Variants in TMEM242 observed in about 807,000 individuals in gnomAD.
TMEM242 encodes the protein UPF0463 transmembrane protein C6orf35.
A neutral mutation model predicts 18.2 loss-of-function variants in TMEM242; 10 were observed. The ratio of observed to expected loss-of-function variants is 0.55; its 90% CI spans 0.34 to 0.93. The LOEUF is 0.93. Ranked by LOEUF, TMEM242 falls within the 40% of genes least tolerant of loss-of-function variation. The pLI is 0.02. For synonymous variants in TMEM242, 57 were observed against 69.9 expected (o/e 0.81, Z 0.92); for missense variants, 186 against 175.5 (o/e 1.06, Z -0.34).
intron 3 of TMEM242, among the ~76,000 whole-genome samples, chr6:157,310,667 A>G (rs1778005866): frequency 6.6e-6 from 1 of 151,088 alleles, no homozygotes; most frequent in African/African-American, 2.5e-5. Flanking sequence ...GCCTCATCAT[A>G]GTGTCCCAGT....
intron 3 of TMEM242, among the ~76,000 whole-genome samples, chr6:157,309,090 C>T (rs1485231878): frequency 6.6e-6 from 1 of 152,130 alleles, no homozygotes; most frequent in African/African-American, 2.4e-5. Flanking sequence ...GATTGATATA[C>T]TCTGCTGTGC....
At chr6:157,298,504 C>A (rs1456885009) in intron 3 of TMEM242, among the ~76,000 whole-genome samples, 3 of 152,168 alleles carry the variant, frequency 2.0e-5, no homozygotes, top group Non-Finnish European at 2.9e-5. Flanking sequence ...TGTGCATGTA[C>A]ACACATGCCC....
At chr6:157,311,220 A>C (rs1158829831) in intron 3 of TMEM242, among the ~76,000 whole-genome samples, 173 of 107,586 alleles carry the variant, frequency 1.6e-3, no homozygotes, top group African/African-American at 6.2e-3. Flanking sequence ...CTGTGCGCTC[A>C]CCTAGCCTCA....
chr6:157,311,386 G>GCATACGGC (rs1778082804), intron 3 of TMEM242, among the ~76,000 whole-genome samples: 1 of 19,078 alleles, frequency 5.2e-5, no homozygotes, highest in Admixed American at 5.3e-4. Flanking sequence ...TCCAGTGTGC[G>GCATACGGC]CTCACCTAGC....
intron 2 of TMEM242, among the ~76,000 whole-genome samples, chr6:157,321,104 G>T (rs1310388005): frequency 6.6e-6 from 1 of 151,190 alleles, no homozygotes; most frequent in African/African-American, 2.4e-5. Flanking sequence ...CGCCTCCCGG[G>T]TTCACGCCAT....
intron 2 of TMEM242, among the ~76,000 whole-genome samples, chr6:157,321,442 T>C (rs1248369760): frequency 6.6e-6 from 1 of 152,212 alleles, no homozygotes; most frequent in Non-Finnish European, 1.5e-5. Context: ...TACAGGTACT[T>C]TGTAATGAAG....
At chr6:157,301,292 A>G (rs1777826885) in intron 3 of TMEM242, among the ~76,000 whole-genome samples, 1 of 152,068 alleles carries the variant, frequency 6.6e-6, no homozygotes, top group Non-Finnish European at 1.5e-5. Context: ...GACAAAATGA[A>G]TACTTTATAT....
At chr6:157,321,338 TA>T (rs1374294667) in intron 2 of TMEM242, among the ~76,000 whole-genome samples, 2 of 152,186 alleles carry the variant, frequency 1.3e-5, no homozygotes, top group Non-Finnish European at 2.9e-5. Context: ...CACAGAATAT[TA>T]AAATGAGGTT....
At chr6:157,311,561 C>A (rs1226743141) in intron 3 of TMEM242, among the ~76,000 whole-genome samples, 1,088 of 13,370 alleles carry the variant, frequency 0.081, 5 homozygotes, top group Middle Eastern at 0.14. Context: ...TGTGCGCTCA[C>A]CTAGCCTCAA....
chr6:157,300,983 C>T (rs1777821905), intron 3 of TMEM242, among the ~76,000 whole-genome samples: 1 of 152,158 alleles, frequency 6.6e-6, no homozygotes, highest in African/African-American at 2.4e-5. Context: ...CTTATTTCTT[C>T]AGCATTTCTC....
chr6:157,318,945 T>C (rs1308433992), intron 2 of TMEM242, 26 bp from the exon 3 acceptor site: 18 of 1,583,092 alleles, frequency 1.1e-5, no homozygotes, highest in East Asian at 2.3e-5. Flanking sequence ...AAAGTTGAGG[T>C]AAAAACAATC....
At chr6:157,311,628 A>AT (rs1583566404) in intron 3 of TMEM242, among the ~76,000 whole-genome samples, 8 of 142,428 alleles carry the variant, frequency 5.6e-5, no homozygotes, top group Non-Finnish European at 9.3e-5. Context: ...GTGTGCGCTC[A>AT]CCTGGCCTCA....
At chr6:157,312,568 A>C (rs76089472) in intron 3 of TMEM242, among the ~76,000 whole-genome samples, 522 of 31,570 alleles carry the variant, frequency 0.017, 4 homozygotes, top group Non-Finnish European at 0.026. Flanking sequence ...GCCCCAGTGT[A>C]CGCTCACCCG....
At chr6:157,310,865 C>A (rs1583563299) in intron 3 of TMEM242, among the ~76,000 whole-genome samples, 1 of 145,368 alleles carries the variant, frequency 6.9e-6, no homozygotes. Flanking sequence ...CACCTAGCCT[C>A]ATCATAGTGC....
chr6:157,294,349 T>TC (rs1554247070), intron 3 of TMEM242, among the ~76,000 whole-genome samples: 2 of 134,010 alleles, frequency 1.5e-5, no homozygotes, highest in African/African-American at 5.4e-5. Context: ...AGTCATTTCT[T>TC]TTTTTTTTTT....
intron 3 of TMEM242, chr6:157,300,255 C>CCT (rs1777810598): frequency 2.8e-6 from 1 of 351,180 alleles, no homozygotes; most frequent in Admixed American, 4.2e-5. Flanking sequence ...GCCCCCTGGC[C>CCT]CTCTACTGCG....
rs587685934 is a variant in TMEM242, at chr6:157,316,933, ATCTG to A, written c.327+1845_327+1848del. Among the ~76,000 whole-genome samples, 335 of 152,298 alleles carry A rather than the reference ATCTG, an allele frequency of 2.2e-3. 1 individual carries two copies. The highest frequency in any genetic ancestry group is 3.0e-3 in the Non-Finnish European group (206 of 68,026). ...GTTAGACTAGGAGAAAAGCACCATC[ATCTG>A]TCTATCAGTGTATTCTGAGTGGAAA... On this transcript the variant is annotated intron_variant, in intron 3 of 3. Transcript: ENST00000400788.
intron 3 of TMEM242, chr6:157,299,493 A>G (rs1777798321): frequency 7.0e-7 from 1 of 1,429,134 alleles, no homozygotes; most frequent in Admixed American, 1.7e-5. Flanking sequence ...TGTCCAAACA[A>G]GAAACAAAAA....
At chr6:157,300,184 C>T (rs143126489) in intron 3 of TMEM242, 7 of 493,880 alleles carry the variant, frequency 1.4e-5, no homozygotes, top group Non-Finnish European at 2.2e-5. Context: ...ACCAGGACGT[C>T]GCAACGCCAA....
Sources: gnomAD v4.1 joint callset for allele counts (sites outside exome capture counted in the v4.1 genomes callset) on GRCh38, gnomAD v4.1.1 for gene constraint, MANE v1.5 for transcripts, NCBI Gene and HGNC (gene_info 2026-07-23, HGNC 2026-07-21) for gene names.